Variants in RAPGEF6 observed in about 807,000 individuals in gnomAD.
RAPGEF6 encodes Rap guanine nucleotide exchange factor 6.
Under a neutral mutation model 171.4 loss-of-function variants are expected in RAPGEF6, and 56 were observed. That is an observed-to-expected ratio of 0.33 (90% CI 0.26 to 0.41). RAPGEF6 has a LOEUF of 0.41. Among genes scored for constraint, RAPGEF6 ranks in the 10% least tolerant of loss-of-function variants. The probability of loss-of-function intolerance (pLI) is 1.00; values close to 1 mark genes in which losing one functional copy is unlikely to be tolerated. For synonymous variants in RAPGEF6, 692 were observed against 650.1 expected, an observed-to-expected ratio of 1.06 and a Z score of -0.98; for missense variants, 1,674 against 1,921.4, an observed-to-expected ratio of 0.87 and a Z score of 2.41.
Position 131,461,704 on chromosome 5 carries a change from C to T in RAPGEF6, c.2864+1G>A. ...ATTTGTACCTATTTGTACCAACTTA[C>T]CTTATTATTGCAAACATGGAATTGA... On this transcript the variant is annotated splice_donor_variant, in intron 19 of 27. Transcript: ENST00000509018. LOFTEE classifies it high-confidence loss of function. The T allele has an allele frequency of 6.3e-7, 1 of 1,592,764 alleles. No individual in the cohort carries two copies. The highest frequency in any genetic ancestry group is 8.6e-7 in the Non-Finnish European group (1 of 1,165,018).
intron 20 of RAPGEF6, 32 bp downstream of exon 20, chr5:131,455,769 T>C: frequency 6.4e-7 from 1 of 1,557,524 alleles, no homozygotes. Flanking sequence ...ATAAACCATG[T>C]GGTAAAACAT....
intron 6 of RAPGEF6, among the ~76,000 whole-genome samples, chr5:131,546,251 CA>C (rs1760519338): frequency 6.6e-6 from 1 of 152,114 alleles, no homozygotes; most frequent in Non-Finnish European, 1.5e-5. Context: ...TACCTCTTGA[CA>C]TTTTTTCTAT....
Position 131,461,691 on chromosome 5 carries a change from T to C in RAPGEF6, c.2864+14A>G. Reference sequence around the variant, plus strand: ...AAACCATACAGACATTTGTACCTATTTGTACCAACTTACCTTATTATTGCA... The same window carrying C: ...AAACCATACAGACATTTGTACCTATCTGTACCAACTTACCTTATTATTGCA... On this transcript the variant is annotated intron_variant, in intron 19 of 27. Coordinates refer to ENST00000509018, the MANE Select transcript of RAPGEF6 (RefSeq NM_016340.6). 6.3e-7 allele frequency: 1 copy of C among 1,582,348 alleles called. No individual in the cohort carries two copies. The highest frequency in any genetic ancestry group is 8.6e-7 in the Non-Finnish European group (1 of 1,159,442).
intron 15 of RAPGEF6, among the ~76,000 whole-genome samples, chr5:131,480,821 A>G (rs1755422103): frequency 6.6e-6 from 1 of 151,648 alleles, no homozygotes; most frequent in African/African-American, 2.4e-5. Flanking sequence ...TCGATTCCTC[A>G]CGGTCACATT....
At position 131,531,812 on chromosome 5, in the gene RAPGEF6, G is replaced by A. The variant is rs185496786; in HGVS notation, c.496-10291C>T. On this transcript the variant is annotated intron_variant, in intron 6 of 27. Coordinates refer to ENST00000509018, the MANE Select transcript of RAPGEF6 (RefSeq NM_016340.6). ...TGAAGCAAGTTAGAGTATGATCACT[G>A]ATAAGTACAGCAATAGCCATAATCA... Among the ~76,000 whole-genome samples, 15 of 152,232 alleles carry A rather than the reference G, an allele frequency of 9.9e-5. No homozygotes were observed. In the East Asian group the frequency reaches 2.9e-3, roughly 29 times the overall value.
At chr5:131,481,770 T>C (rs1053554637) in intron 15 of RAPGEF6, among the ~76,000 whole-genome samples, 1 of 152,232 alleles carries the variant, frequency 6.6e-6, no homozygotes, top group Non-Finnish European at 1.5e-5. Context: ...AAACAGTGGT[T>C]GCATATTCTT....
intron 1 of RAPGEF6, among the ~76,000 whole-genome samples, chr5:131,612,021 C>T (rs894648178): frequency 3.3e-5 from 5 of 152,006 alleles, no homozygotes; most frequent in Non-Finnish European, 7.4e-5. Context: ...TCAGTGGACA[C>T]TGAATTATGT....
At chr5:131,541,387 G>C (rs10051609) in intron 6 of RAPGEF6, among the ~76,000 whole-genome samples, 97,363 of 152,118 alleles carry the variant, frequency 0.64, 32,852 homozygotes, top group Non-Finnish European at 0.77. Flanking sequence ...GCCTTCCAGG[G>C]AAAGAGAACA....
Position 131,491,704 on chromosome 5 carries a change from G to A in RAPGEF6, c.1731+878C>T, listed in dbSNP as rs186913695. The stretch of plus-strand genomic sequence containing the variant: ...CCTGTTGAGAACTGCAAATGCAAGG[G>A]ATCTAGGGCACTCCTTATGAAAATT... On this transcript the variant is annotated intron_variant, in intron 14 of 27. Coordinates refer to ENST00000509018, the MANE Select transcript of RAPGEF6 (RefSeq NM_016340.6). Among the ~76,000 whole-genome samples, 3 of 152,254 alleles carry A rather than the reference G, an allele frequency of 2.0e-5. No individual in the cohort carries two copies. In the East Asian group the frequency reaches 5.8e-4, roughly 29 times the overall value.
intron 4 of RAPGEF6, among the ~76,000 whole-genome samples, chr5:131,583,945 G>A (rs1384555397): frequency 6.6e-6 from 1 of 152,152 alleles, no homozygotes; most frequent in Non-Finnish European, 1.5e-5. Flanking sequence ...AGTACATACT[G>A]TATGTTTCAC....
Position 131,474,691 on chromosome 5 carries a change from GGTTAGA to G in RAPGEF6, c.2082-1953_2082-1948del, listed in dbSNP as rs1754980999. On this transcript the variant is annotated intron_variant, in intron 16 of 27. Coordinates refer to ENST00000509018, the MANE Select transcript of RAPGEF6 (RefSeq NM_016340.6). ...TTATAATTTGGTTTGTATTCCTAAA[GGTTAGA>G]GTTAAATGTTCTAAGGTTAGGTAAG... Among the ~76,000 whole-genome samples the G allele has an allele frequency of 3.3e-5, 5 of 152,152 alleles. No individual in the cohort carries two copies. The South Asian group carries it at 6.2e-4, about 19-fold the overall frequency.
intron 3 of RAPGEF6, 49 bp from the exon 4 acceptor site, chr5:131,592,515 A>G: frequency 2.5e-6 from 4 of 1,581,884 alleles, no homozygotes; most frequent in Non-Finnish European, 3.4e-6. Flanking sequence ...ACACATGTTC[A>G]TATGTATATG....
At chr5:131,461,602 A>G in intron 19 of RAPGEF6, 103 bp downstream of exon 19, 7 of 1,111,834 alleles carry the variant, frequency 6.3e-6, no homozygotes, top group Non-Finnish European at 8.7e-6. Flanking sequence ...AAGGCATATT[A>G]ATTGAACATT....
chr5:131,591,192 C>T (rs1446298434), intron 4 of RAPGEF6, among the ~76,000 whole-genome samples: 1 of 152,040 alleles, frequency 6.6e-6, no homozygotes, highest in Non-Finnish European at 1.5e-5. Context: ...AAATTAACTA[C>T]AATTGGAAGT....
At chr5:131,567,262 A>G (rs1184440418) in intron 4 of RAPGEF6, among the ~76,000 whole-genome samples, 3 of 152,076 alleles carry the variant, frequency 2.0e-5, no homozygotes, top group Non-Finnish European at 2.9e-5. Flanking sequence ...TTTTGTTTCA[A>G]TGATGTTTCT....
chr5:131,508,237 G>C (rs1372234288), intron 8 of RAPGEF6, 30 bp from the exon 9 acceptor site: 2 of 1,577,776 alleles, frequency 1.3e-6, no homozygotes, highest in African/African-American at 2.7e-5. Flanking sequence ...CTGGTATAAA[G>C]ACCATCGAGG....
intron 6 of RAPGEF6, among the ~76,000 whole-genome samples, chr5:131,524,772 T>C (rs1025470435): frequency 1.3e-5 from 2 of 152,176 alleles, no homozygotes; most frequent in Non-Finnish European, 2.9e-5. Flanking sequence ...TATACCACCA[T>C]GCCCAGCTAA....
At chr5:131,591,535 G>T (rs1763590934) in intron 4 of RAPGEF6, among the ~76,000 whole-genome samples, 1 of 152,160 alleles carries the variant, frequency 6.6e-6, no homozygotes, top group Admixed American at 6.5e-5. Flanking sequence ...TAAGTAATCT[G>T]CCCAAGAAAC....
chr5:131,589,646 T>C (rs1211153839), intron 4 of RAPGEF6, among the ~76,000 whole-genome samples: 4 of 152,220 alleles, frequency 2.6e-5, no homozygotes, highest in Non-Finnish European at 5.9e-5. Context: ...TGCCATACTT[T>C]GTGATAAGGA....
Sources: allele counts gnomAD v4.1 joint callset (sites outside exome capture counted in the v4.1 genomes callset), GRCh38; gene constraint gnomAD v4.1.1; transcripts MANE v1.5; gene names NCBI Gene and HGNC (gene_info 2026-07-23, HGNC 2026-07-21).